NRG1: variants seen among roughly 807,000 people sequenced by gnomAD.
The protein encoded by NRG1 is pro-neuregulin-1, membrane-bound isoform.
Under a neutral mutation model 63.8 loss-of-function variants are expected in NRG1, and 18 were observed. The ratio of observed to expected loss-of-function variants is 0.28; its 90% CI spans 0.19 to 0.42. The LOEUF (loss-of-function observed/expected upper bound fraction) is 0.42. Among genes scored for constraint, NRG1 ranks in the 10% least tolerant of loss-of-function variants. The pLI is 1.00. For synonymous variants in NRG1, 302 were observed against 301.3 expected, an observed-to-expected ratio of 1.00 and a Z score of -0.02; for missense variants, 762 against 814.7, an observed-to-expected ratio of 0.94 and a Z score of 0.79.
intron 1 of NRG1, among the ~76,000 whole-genome samples, chr8:31,777,665 G>A (rs545560223): frequency 3.3e-5 from 5 of 152,338 alleles, no homozygotes; most frequent in South Asian, 2.1e-4. Context: ...GAAGCGTGGC[G>A]CCACATCATC....
chr8:31,680,955 A>G (rs1808279614), intron 1 of NRG1, among the ~76,000 whole-genome samples: 1 of 152,148 alleles, frequency 6.6e-6, no homozygotes, highest in Non-Finnish European at 1.5e-5. Context: ...ATAGCAATTA[A>G]CACAGTATAG....
At chr8:32,454,256 T>A (rs1821328351) in intron 1 of NRG1, among the ~76,000 whole-genome samples, 1 of 152,202 alleles carries the variant, frequency 6.6e-6, no homozygotes, top group Non-Finnish European at 1.5e-5. Context: ...GTATTTTGAT[T>A]ATTTAAAATC....
chr8:32,097,913 G>C (rs2131329409), intron 1 of NRG1, among the ~76,000 whole-genome samples: 1 of 152,306 alleles, frequency 6.6e-6, no homozygotes, highest in East Asian at 1.9e-4. Flanking sequence ...GAAAAGTCTG[G>C]AACTCAAGGA....
intron 1 of NRG1, among the ~76,000 whole-genome samples, chr8:32,422,656 A>C (rs565717635): frequency 1.1e-4 from 16 of 152,368 alleles, no homozygotes; most frequent in African/African-American, 3.4e-4. Context: ...ATATGAGATT[A>C]CTTTCTGCCT....
chr8:31,754,762 C>T (rs1395248313), intron 1 of NRG1, among the ~76,000 whole-genome samples: 2 of 151,968 alleles, frequency 1.3e-5, no homozygotes, highest in African/African-American at 4.8e-5. Flanking sequence ...TTATAGTGGA[C>T]AAGTACAACT....
intron 1 of NRG1, among the ~76,000 whole-genome samples, chr8:32,561,442 AT>A (rs1836376076): frequency 2.0e-5 from 3 of 152,230 alleles, no homozygotes; most frequent in Admixed American, 6.5e-5. Context: ...TCCTAATGTC[AT>A]AACATGGAAA....
intron 5 of NRG1, among the ~76,000 whole-genome samples, chr8:32,669,977 T>A (rs1427361367): frequency 6.6e-6 from 1 of 152,326 alleles, no homozygotes; most frequent in African/African-American, 2.4e-5. Context: ...CAAACTGATG[T>A]CTAGATGAAC....
chr8:32,641,468 A>G (rs1852384038), intron 5 of NRG1, among the ~76,000 whole-genome samples: 1 of 152,190 alleles, frequency 6.6e-6, no homozygotes, highest in African/African-American at 2.4e-5. Flanking sequence ...GTGTTTGTAG[A>G]AAATTAATGA....
intron 1 of NRG1, among the ~76,000 whole-genome samples, chr8:32,365,258 T>G (rs889846297): frequency 6.6e-6 from 1 of 152,214 alleles, no homozygotes; most frequent in African/African-American, 2.4e-5. Flanking sequence ...CCATTTCTTC[T>G]TAATTAGAGG....
chr8:32,065,856 T>C (rs1563745321), intron 1 of NRG1, among the ~76,000 whole-genome samples: 2 of 152,242 alleles, frequency 1.3e-5, no homozygotes, highest in African/African-American at 2.4e-5. Flanking sequence ...TGTTGTTTAC[T>C]GACTTTTTAA....
At chr8:32,204,296 A>G (rs1022300892) in intron 1 of NRG1, among the ~76,000 whole-genome samples, 1 of 152,220 alleles carries the variant, frequency 6.6e-6, no homozygotes, top group Non-Finnish European at 1.5e-5. Context: ...GAGGAGTGAC[A>G]TGATCTGACT....
At chr8:32,416,538 A>G (rs1815938792) in intron 1 of NRG1, among the ~76,000 whole-genome samples, 1 of 152,192 alleles carries the variant, frequency 6.6e-6, no homozygotes, top group Non-Finnish European at 1.5e-5. Context: ...AATCAGCATT[A>G]CTTGACCCGA....
chr8:32,063,443 T>A (rs893244291), intron 1 of NRG1: 37 of 152,154 alleles, frequency 2.4e-4, no homozygotes, highest in African/African-American at 7.0e-4. Flanking sequence ...ATATACTGTA[T>A]TGTTCAATCT....
intron 1 of NRG1, among the ~76,000 whole-genome samples, chr8:32,157,049 C>CGTGTGTGTGT (rs34725608): frequency 7.1e-5 from 10 of 140,918 alleles, no homozygotes; most frequent in African/African-American, 2.1e-4. Flanking sequence ...AATTAAAACT[C>CGTGTGTGTGT]GTGTGTGTGT....
chr8:32,669,008 A>G (rs906447708), intron 5 of NRG1, among the ~76,000 whole-genome samples: 1 of 152,206 alleles, frequency 6.6e-6, no homozygotes, highest in African/African-American at 2.4e-5. Flanking sequence ...AAGCATCCAC[A>G]GTTTGTGAGG....
rs1803708926 is a variant in NRG1 at position 31,640,950 on chromosome 8, A to C, written c.37+1519A>C. ...TTGCCACTGGAGAAAGCCCAAGTTTAGTCCTGGGTTGGGGCCTCCTGAAAC... is the reference window on the plus strand; with the variant it reads ...TTGCCACTGGAGAAAGCCCAAGTTTCGTCCTGGGTTGGGGCCTCCTGAAAC... On this transcript the variant is annotated intron_variant, in intron 1 of 10. Transcript: ENST00000519301. This position sits in a 1 kb window ranked among gnomAD's most constrained non-coding sequence, Gnocchi z 6.3. 6.6e-6 allele frequency among the ~76,000 whole-genome samples: 1 copy of C among 152,140 alleles called. No homozygotes were observed. The highest frequency in any genetic ancestry group is 1.5e-5 in the Non-Finnish European group (1 of 68,020).
At chr8:32,638,618 A>C (rs752726563) in intron 5 of NRG1, among the ~76,000 whole-genome samples, 1 of 152,144 alleles carries the variant, frequency 6.6e-6, no homozygotes, top group Non-Finnish European at 1.5e-5. Context: ...AGGAGCGACC[A>C]TGTTGGACAG....
intron 5 of NRG1, chr8:32,646,916 A>C (rs1328794922): frequency 1.0e-6 from 1 of 984,642 alleles, no homozygotes; most frequent in Non-Finnish European, 1.2e-6. Flanking sequence ...GAGGAAAGAG[A>C]GAGAGGAGAG....
intron 1 of NRG1, among the ~76,000 whole-genome samples, chr8:32,526,931 A>T (rs1830908976): frequency 6.6e-6 from 1 of 152,120 alleles, no homozygotes; most frequent in Non-Finnish European, 1.5e-5. Context: ...ACTCTTCTGT[A>T]ATTGTACCTA....
Sources: allele counts gnomAD v4.1 joint callset (sites outside exome capture counted in the v4.1 genomes callset), GRCh38; gene constraint gnomAD v4.1.1; non-coding constraint Gnocchi (gnomAD v3.1); transcripts MANE v1.5; gene names NCBI Gene and HGNC (gene_info 2026-07-23, HGNC 2026-07-21).